The following VPS52 variants were observed in gnomAD, a reference collection of about 807,000 sequenced individuals.
VPS52 encodes VPS52 subunit of GARP complex.
In VPS52, 56 loss-of-function variants were observed where a neutral mutation model predicts 98.7. That is an observed-to-expected ratio of 0.57 (90% CI 0.46 to 0.71). The LOEUF is 0.71. Ranked by LOEUF, VPS52 falls within the 30% of genes least tolerant of loss-of-function variation. VPS52 has a pLI of 0.00. For missense variants in VPS52, 742 were observed against 925.9 expected (o/e 0.80, Z 2.58); for synonymous variants, 348 against 346.4 (o/e 1.00, Z -0.05).
chr6:33,266,563 C>T lies in VPS52; in HGVS notation c.1275G>A (p.Met425Ile). The T allele has an allele frequency of 6.2e-7, 1 of 1,604,808 alleles. No homozygotes were observed. The highest frequency in any genetic ancestry group is 1.3e-5 in the African/African-American group (1 of 74,828). Residue 425 changes from methionine to isoleucine, a missense_variant, in exon 12 of 20, where the codon ATG becomes ATA. This residue lies in a region of VPS52 where 590 missense variants were observed against 793.3 expected (regional missense o/e 0.74). Coordinates refer to ENST00000445902, the MANE Select transcript of VPS52 (RefSeq NM_022553.6). ...CAGGAAACAGGAGTCTTACCAGGGT[C>T]ATGCTGAGTGTACGGCCCATGACAG... ...FHAVMGRTLSMTLKHLDSYLA... is the reference protein window; with the variant it reads ...FHAVMGRTLSITLKHLDSYLA...
chr6:33,251,837 T>C (rs765823828), intron 18 of VPS52, 23 bp downstream of exon 18: 18 of 1,610,596 alleles, frequency 1.1e-5, no homozygotes, highest in Non-Finnish European at 1.5e-5. Flanking sequence ...ACTGATCCCA[T>C]CATTACCATA....
chr6:33,259,352 G>A (rs139798478), intron 17 of VPS52, among the ~76,000 whole-genome samples: 171 of 152,180 alleles, frequency 1.1e-3, no homozygotes, highest in African/African-American at 3.9e-3. Flanking sequence ...AGATCAGGTC[G>A]CCTTCAACCA....
At position 33,267,926 on chromosome 6, in the gene VPS52, G is replaced by C. The variant is rs1330536858; in HGVS notation, c.872C>G (p.Thr291Arg). Residue 291 changes from threonine to arginine, a missense_variant, in exon 9 of 20, where the codon ACG becomes AGG. This residue lies in a region of VPS52 where 590 missense variants were observed against 793.3 expected (regional missense o/e 0.74). Transcript: ENST00000445902. The surrounding 1 kb of genome is among the most constrained non-coding windows in gnomAD (Gnocchi z 4.2). The part of the protein sequence containing the change: ...AKEIRDEYVE[T>R]LSKIYLSYYR... ...GTAAGACAGGTAAATCTTGCTCAGC[G>C]TCTCCACATATTCATCCCTGATCTC... The C allele has an allele frequency of 1.2e-6, 2 of 1,612,932 alleles. No individual in the cohort carries two copies.
intron 4 of VPS52, 89 bp from the exon 5 acceptor site, chr6:33,269,646 G>C: frequency 2.5e-6 from 4 of 1,570,378 alleles, no homozygotes; most frequent in Non-Finnish European, 3.5e-6. Flanking sequence ...TGAAGTGATA[G>C]AAACCTCAGA....
At chr6:33,260,083 C>A (rs934467899) in intron 17 of VPS52, among the ~76,000 whole-genome samples, 2 of 152,098 alleles carry the variant, frequency 1.3e-5, no homozygotes, top group African/African-American at 4.8e-5. Context: ...TTTAATCACA[C>A]AAGTCATATA....
chr6:33,254,473 C>T (rs1003532243), intron 17 of VPS52, among the ~76,000 whole-genome samples: 1 of 152,098 alleles, frequency 6.6e-6, no homozygotes, highest in Non-Finnish European at 1.5e-5. Flanking sequence ...TGCCTAAATG[C>T]AGTCTCACAC....
intron 17 of VPS52, among the ~76,000 whole-genome samples, chr6:33,252,227 A>G (rs1249898260): frequency 1.3e-5 from 2 of 152,266 alleles, no homozygotes; most frequent in Non-Finnish European, 2.9e-5. Context: ...AGCAGACACA[A>G]TAAGCAATAG....
chr6:33,268,717 C>T lies in VPS52; in HGVS notation c.549-68G>A, dbSNP rs1335829958. ...AGACATCCCTAAACCAGACCCAGAC[C>T]ACACTCCTTACCTCCAGCCCCTGTC... On this transcript the variant is annotated intron_variant, in intron 6 of 19. Transcript: ENST00000445902. The surrounding 1 kb of genome is among the most constrained non-coding windows in gnomAD (Gnocchi z 4.0). 1 of 1,510,906 alleles carries T rather than the reference C, an allele frequency of 6.6e-7. No homozygotes were observed. Among genetic ancestry groups the T allele is most frequent in the Non-Finnish European group, 8.8e-7 (1 of 1,130,564 alleles). 93.6% of individuals were successfully genotyped at this position (1,510,906 alleles called of 1,614,324 possible).
At chr6:33,259,170 T>G (rs1303308923) in intron 17 of VPS52, among the ~76,000 whole-genome samples, 5 of 152,166 alleles carry the variant, frequency 3.3e-5, no homozygotes, top group Non-Finnish European at 7.4e-5. Flanking sequence ...TGACAAAGAC[T>G]TGAGTCAACA....
intron 17 of VPS52, among the ~76,000 whole-genome samples, chr6:33,260,931 G>A (rs1395485382): frequency 6.6e-6 from 1 of 151,694 alleles, no homozygotes; most frequent in African/African-American, 2.4e-5. Flanking sequence ...CCTGGGAGGC[G>A]GACGTTGCAG....
intron 17 of VPS52, among the ~76,000 whole-genome samples, chr6:33,257,410 T>C (rs1468383232): frequency 6.6e-6 from 1 of 151,770 alleles, no homozygotes; most frequent in Non-Finnish European, 1.5e-5. Context: ...TTTCATTTTT[T>C]TTTTTTTTAA....
At chr6:33,269,685 C>G in intron 4 of VPS52, 59 bp downstream of exon 4, 1 of 1,584,928 alleles carries the variant, frequency 6.3e-7, no homozygotes, top group Non-Finnish European at 8.6e-7. Flanking sequence ...GACATCTGTA[C>G]CACACGCCAC....
At chr6:33,259,073 T>C (rs1054355604) in intron 17 of VPS52, among the ~76,000 whole-genome samples, 15 of 152,308 alleles carry the variant, frequency 9.8e-5, no homozygotes, top group African/African-American at 3.4e-4. Context: ...CCAGGCTGTT[T>C]ACAGACTCCC....
intron 17 of VPS52, among the ~76,000 whole-genome samples, chr6:33,256,463 CAAAAAAAAAAAA>C (rs9280385): frequency 9.6e-5 from 8 of 83,752 alleles, no homozygotes; most frequent in Non-Finnish European, 1.4e-4. Flanking sequence ...AAACCTGTCT[CAAAAAAAAAAAA>C]AAAAAAAAAA....
rs1248417736 is a variant in VPS52 at position 33,263,768 on chromosome 6, T to C, written c.1728+4A>G. ...GGAAGGCAAGGAGAAGGAGCACCTA[T>C]TACCATCAGCACACCCAGCATCATG... On this transcript the variant is annotated splice_donor_region_variant and intron_variant, in intron 16 of 19. Transcript: ENST00000445902. 4 of 1,614,158 alleles carry C rather than the reference T, an allele frequency of 2.5e-6. No homozygotes were observed. The highest frequency in any genetic ancestry group is 3.4e-6 in the Non-Finnish European group (4 of 1,180,026).
At chr6:33,255,367 T>G (rs1762802809) in intron 17 of VPS52, among the ~76,000 whole-genome samples, 1 of 151,880 alleles carries the variant, frequency 6.6e-6, no homozygotes, top group Non-Finnish European at 1.5e-5. Flanking sequence ...AACAACTGGT[T>G]TAAGTGCATC....
In VPS52 at chr6:33,268,064, C is replaced by G; in HGVS notation, c.800+44G>C. ...AACCAGATGCCCACACTAGGCCGCTCAAAAACTCAAAGGCCATCCCATGCA... is the reference window on the plus strand; with the variant it reads ...AACCAGATGCCCACACTAGGCCGCTGAAAAACTCAAAGGCCATCCCATGCA... On this transcript the variant is annotated intron_variant, in intron 8 of 19. Transcript: ENST00000445902. This position sits in a 1 kb window ranked among gnomAD's most constrained non-coding sequence, Gnocchi z 4.0. 6.2e-7 allele frequency: 1 copy of G among 1,612,988 alleles called. No homozygotes were observed. Among genetic ancestry groups the G allele is most frequent in the Non-Finnish European group, 8.5e-7 (1 of 1,179,962 alleles).
At position 33,267,702 on chromosome 6, in the gene VPS52, A is replaced by G; in HGVS notation, c.971T>C (p.Val324Ala). Residue 324 changes from valine (V) to alanine (A), a missense_variant, in exon 10 of 20, where the codon GTG becomes GCG. Around this residue, in one of 2 missense-constraint regions of VPS52, gnomAD observed 590 missense variants for 793.3 expected, o/e 0.74. Transcript: ENST00000445902. The surrounding 1 kb of genome is among the most constrained non-coding windows in gnomAD (Gnocchi z 4.2). ...GATATCTTTCTTTGCTGTATCTTCC[A>G]CACCCATTAGATCATCTTTCTCAGC... ...EVAEKDDLMG[V>A]EDTAKKGFFS... The G allele has an allele frequency of 6.2e-7, 1 of 1,612,972 alleles. No homozygotes were observed. Among genetic ancestry groups the G allele is most frequent in the Admixed American group, 1.7e-5 (1 of 59,996 alleles).
At chr6:33,263,421 A>AGG (rs1763901039) in intron 17 of VPS52, 63 bp downstream of exon 17, 1 of 1,576,016 alleles carries the variant, frequency 6.3e-7, no homozygotes. Context: ...ACACAGAGAG[A>AGG]GAGAGAGAGA....
Sources: gnomAD v4.1 joint callset for allele counts (sites outside exome capture counted in the v4.1 genomes callset) on GRCh38, gnomAD v4.1.1 for gene constraint, gnomAD v4.1.1 regional missense constraint, Gnocchi (gnomAD v3.1) non-coding constraint, MANE v1.5 for transcripts, NCBI Gene and HGNC (gene_info 2026-07-23, HGNC 2026-07-21) for gene names.